The following KCTD1 variants were observed in gnomAD, a reference collection of about 807,000 sequenced individuals.
KCTD1 encodes potassium channel tetramerization domain containing 1.
Under a neutral mutation model 66.0 loss-of-function variants are expected in KCTD1, and 24 were observed. The observed-to-expected ratio is 0.36, with a 90% CI of 0.26 to 0.51. The LOEUF (loss-of-function observed/expected upper bound fraction) is 0.51. Among genes scored for constraint, KCTD1 ranks in the 20% least tolerant of loss-of-function variants. The probability of loss-of-function intolerance (pLI) is 0.95; values close to 1 mark genes in which losing one functional copy is unlikely to be tolerated. For synonymous variants in KCTD1, 511 were observed against 517.2 expected (o/e 0.99, Z 0.16); for missense variants, 943 against 1,205.2 (o/e 0.78, Z 3.22).
In KCTD1 at chr18:26,473,563, TTAATAATAA is replaced by T. The variant is rs10551915; in HGVS notation, c.2133+2943_2133+2951del. 3.6e-3 allele frequency among the ~76,000 whole-genome samples: 525 copies of T among 146,720 alleles called. 1 individual carries two copies. The highest frequency in any genetic ancestry group is 4.9e-3 in the Non-Finnish European group (327 of 66,756). On this transcript the variant is annotated intron_variant, in intron 3 of 4. Transcript: ENST00000580059. ...TGCACATGCACCCCAGAACTTAAAA[TTAATAATAA>T]TAATAATAATAATAATAATAATAGT... is the stretch of plus-strand genomic sequence containing the variant.
chr18:26,520,280 CT>C (rs1983848794), intron 1 of KCTD1, among the ~76,000 whole-genome samples: 1 of 152,184 alleles, frequency 6.6e-6, no homozygotes, highest in Non-Finnish European at 1.5e-5. Context: ...CACACATGTG[CT>C]GGCTATTTTC....
chr18:26,465,936 C>A (rs186035190), intron 3 of KCTD1, among the ~76,000 whole-genome samples: 4 of 152,362 alleles, frequency 2.6e-5, no homozygotes, highest in African/African-American at 7.2e-5. Context: ...ACGGATACAG[C>A]CTCGGTGGCG....
intron 1 of KCTD1, among the ~76,000 whole-genome samples, chr18:26,518,506 TGCCCACCTTG>T (rs1390288246): frequency 1.3e-5 from 2 of 152,192 alleles, no homozygotes; most frequent in Non-Finnish European, 2.9e-5. Context: ...CCTTGTGATC[TGCCCACCTTG>T]GCCTCCCAAA....
chr18:26,508,988 C>A (rs935283374), intron 1 of KCTD1, among the ~76,000 whole-genome samples: 1 of 152,142 alleles, frequency 6.6e-6, no homozygotes, highest in African/African-American at 2.4e-5. Context: ...GTCTCTCAAC[C>A]ATAACATCAA....
At position 26,459,841 on chromosome 18, in the gene KCTD1, C is replaced by G. The variant is rs532236390; in HGVS notation, c.2218G>C (p.Glu740Gln). The G allele has an allele frequency of 6.2e-7, 1 of 1,614,192 alleles. No homozygotes were observed. Among genetic ancestry groups the G allele is most frequent in the East Asian group, 2.2e-5 (1 of 44,880 alleles). Reference sequence around the variant, plus strand: ...CAGGGCCTTGAAAATCGACCAGTTTCTCTGTCCTGCTTCCATCTTTCCATC... The same window carrying G: ...CAGGGCCTTGAAAATCGACCAGTTTGTCTGTCCTGCTTCCATCTTTCCATC... ...LEMERWKQDR[E>Q]TGRFSRPCEC... Residue 740 changes from glutamate (E) to glutamine (Q), a missense_variant, in exon 4 of 5, where the codon GAA (glutamate) becomes CAA (glutamine). By Grantham distance (29) the Glu-to-Gln change is conservative. Coordinates refer to ENST00000580059, the MANE Select transcript of KCTD1 (RefSeq NM_001142730.3).
intron 1 of KCTD1, among the ~76,000 whole-genome samples, chr18:26,514,080 T>C (rs1336751119): frequency 3.3e-5 from 5 of 152,230 alleles, no homozygotes; most frequent in Non-Finnish European, 1.5e-5. Context: ...TTTATATCTT[T>C]TATTGTTCTA....
intron 1 of KCTD1, among the ~76,000 whole-genome samples, chr18:26,555,012 T>G (rs2080892442): frequency 6.6e-6 from 1 of 152,256 alleles, no homozygotes; most frequent in South Asian, 2.1e-4. Flanking sequence ...GGGATTAAAG[T>G]GGACATTAGT....
chr18:26,584,559 T>C (rs1377717616), intron 1 of KCTD1, among the ~76,000 whole-genome samples: 1 of 152,190 alleles, frequency 6.6e-6, no homozygotes, highest in Non-Finnish European at 1.5e-5. Context: ...CAACTATTTA[T>C]GAGGAGATTA....
intron 1 of KCTD1, among the ~76,000 whole-genome samples, chr18:26,655,124 GC>G (rs1380810116): frequency 6.6e-6 from 1 of 152,146 alleles, no homozygotes; most frequent in Non-Finnish European, 1.5e-5. Context: ...ATCAGCCTCA[GC>G]CTTTTAAAAT....
intron 1 of KCTD1, 22 bp downstream of exon 1, chr18:26,546,706 G>A: frequency 6.5e-7 from 1 of 1,533,468 alleles, no homozygotes; most frequent in South Asian, 1.3e-5. Flanking sequence ...AACATTTCAT[G>A]CATAGAGTTT....
chr18:26,605,168 C>T lies in KCTD1; in HGVS notation c.-16+23979G>A, dbSNP rs151120835. 3.5e-3 allele frequency among the ~76,000 whole-genome samples: 535 copies of T among 152,234 alleles called. 4 individuals are homozygous for T. Among genetic ancestry groups the T allele is most frequent in the Admixed American group, 3.3e-3 (51 of 15,296 alleles). On this transcript the variant is annotated intron_variant, in intron 1 of 4. Coordinates refer to the KCTD1 transcript ENST00000317932. ...GACACATCTGTTCCGTTTCATTGATCGGGATGTACTCATATGGTCTCACTT... is the reference window on the plus strand; with the variant it reads ...GACACATCTGTTCCGTTTCATTGATTGGGATGTACTCATATGGTCTCACTT...
chr18:26,557,824 G>A (rs144777081), intron 1 of KCTD1, among the ~76,000 whole-genome samples: 104 of 152,274 alleles, frequency 6.8e-4, no homozygotes, highest in African/African-American at 2.3e-3. Flanking sequence ...GCAGAGATTG[G>A]AGTGAAGCCT....
intron 1 of KCTD1, among the ~76,000 whole-genome samples, chr18:26,514,229 A>G (rs1012193421): frequency 3.9e-5 from 6 of 152,186 alleles, no homozygotes; most frequent in African/African-American, 1.4e-4. Context: ...TCCAAAAGAT[A>G]TATTTGGTAA....
At chr18:26,600,299 G>A (rs73944644) in intron 1 of KCTD1, 375,009 of 1,594,888 alleles carry the variant, frequency 0.24, 46,275 homozygotes, top group Middle Eastern at 0.3. Context: ...TTCAAACCTG[G>A]GGAAAAGGCA....
In KCTD1 at chr18:26,548,089, C is replaced by G. The variant is rs1371851658; in HGVS notation, c.448G>C (p.Gly150Arg). ...LAPRARGGPP[G>R]DGSELDPDVL... ...TCGGGGTCCAGCTCGGAGCCGTCCCCGGGCGGCCCACCGCGGGCCCGGGGC... is the reference window on the plus strand; with the variant it reads ...TCGGGGTCCAGCTCGGAGCCGTCCCGGGGCGGCCCACCGCGGGCCCGGGGC... The change falls in exon 1 of 5, where the codon GGG becomes CGG. Residue 150 changes from glycine (G) to arginine (R), a missense_variant. Coordinates refer to ENST00000580059, the MANE Select transcript of KCTD1 (RefSeq NM_001142730.3). 9 of 1,344,564 alleles carry G rather than the reference C, an allele frequency of 6.7e-6. No homozygotes were observed. Among genetic ancestry groups the G allele is most frequent in the Non-Finnish European group, 6.6e-6 (7 of 1,057,896 alleles). The allele number at this position is 1,344,564 out of a possible 1,614,324, so 83.3% of individuals were successfully genotyped here. A position where few individuals can be genotyped will look rare whatever the true frequency, so the allele number is the denominator to read the frequency against.
At chr18:26,650,739 T>A (rs536284977) in intron 1 of KCTD1, among the ~76,000 whole-genome samples, 1 of 152,360 alleles carries the variant, frequency 6.6e-6, no homozygotes, top group Admixed American at 6.5e-5. Flanking sequence ...GGGTCTTTTG[T>A]TTTACACACA....
At chr18:26,534,747 C>T (rs1343117809) in intron 1 of KCTD1, among the ~76,000 whole-genome samples, 1 of 152,128 alleles carries the variant, frequency 6.6e-6, no homozygotes, top group Non-Finnish European at 1.5e-5. Flanking sequence ...ATTCATGTAA[C>T]TTTAACTTGG....
At chr18:26,487,065 C>T (rs1205706771) in intron 2 of KCTD1, among the ~76,000 whole-genome samples, 3 of 152,200 alleles carry the variant, frequency 2.0e-5, no homozygotes, top group Admixed American at 6.5e-5. Context: ...GATTCCTTCA[C>T]ACCCCCACCT....
intron 1 of KCTD1, among the ~76,000 whole-genome samples, chr18:26,578,724 A>G (rs1338330619): frequency 6.6e-6 from 1 of 152,168 alleles, no homozygotes; most frequent in Non-Finnish European, 1.5e-5. Flanking sequence ...TTTTAATCAT[A>G]ATTACATATG....
Sources: allele counts gnomAD v4.1 joint callset (sites outside exome capture counted in the v4.1 genomes callset), GRCh38; gene constraint gnomAD v4.1.1; transcripts MANE v1.5; gene names NCBI Gene and HGNC (gene_info 2026-07-23, HGNC 2026-07-21).